Variants in FAM184A observed in about 807,000 individuals in gnomAD.
The protein encoded by FAM184A is family with sequence similarity 184 member A, also known as protein FAM184A.
In FAM184A, 99 loss-of-function variants were observed where a neutral mutation model predicts 143.8. That is an observed-to-expected ratio of 0.69 (90% confidence interval 0.58 to 0.81). The LOEUF (loss-of-function observed/expected upper bound fraction) is 0.81. Ranked by LOEUF, FAM184A falls within the 40% of genes least tolerant of loss-of-function variation. The pLI, the probability that FAM184A is intolerant of heterozygous loss-of-function variation, is 0.00. For synonymous variants in FAM184A, 427 were observed against 446.4 expected (o/e 0.96, Z 0.55); for missense variants, 1,217 against 1,310.5 (o/e 0.93, Z 1.10).
At chr6:119,087,976 G>A (rs1577356) in intron 1 of FAM184A, among the ~76,000 whole-genome samples, 60,593 of 152,058 alleles carry the variant, frequency 0.4, 13,697 homozygotes, top group East Asian at 0.67. Flanking sequence ...AGTGAAATAA[G>A]CCAGTTACAA....
Position 118,966,870 on chromosome 6 carries a change from G to T in FAM184A, c.2998C>A (p.Leu1000Ile). Residue 1000 changes from leucine to isoleucine, a missense_variant, in exon 15 of 18, where the codon CTT (leucine) becomes ATT (isoleucine). Leu to Ile is a conservative substitution (Grantham distance 5). Transcript: ENST00000338891. ...TTTATGATCTGGTCTCTTTCTGTAA[G>T]CATGGCTTTTAATTCTGTAATCATC... ...IQMITELKAM[L>I]TERDQIIKKL... 1.3e-6 allele frequency: 2 copies of T among 1,594,304 alleles called. No homozygotes were observed. Among genetic ancestry groups the T allele is most frequent in the East Asian group, 2.2e-5 (1 of 44,490 alleles).
At position 119,024,383 on chromosome 6, in the gene FAM184A, TC is replaced by T; in HGVS notation, c.589del (p.Glu197ArgfsTer6). ...LEDLQAAHRR[E>X]IQELLKSQQD... is the part of the protein sequence containing the mutation. ...CTGTGACTTCAATAGCTCTTGTATC[TC>T]CCGTCTGTGAGCAGCTTGCAAGTCT... is the stretch of plus-strand genomic sequence containing the variant. On this transcript the variant is annotated frameshift_variant, in exon 2 of 18. Transcript: ENST00000338891. LOFTEE classifies it high-confidence loss of function. The T allele has an allele frequency of 1.2e-6, 2 of 1,614,174 alleles. No individual in the cohort carries two copies. Among genetic ancestry groups the T allele is most frequent in the Non-Finnish European group, 1.7e-6 (2 of 1,180,032 alleles).
rs984213013 is a variant in FAM184A, at chr6:118,978,076, G to T, written c.2455+1289C>A. On this transcript the variant is annotated intron_variant, in intron 11 of 17. Transcript: ENST00000338891. ...CCTTCCAGATTCAAGCGATTCTCCC[G>T]CCTCAGCCTCCCAAGTAGCTAGGAT... Among the ~76,000 whole-genome samples the T allele has an allele frequency of 2.6e-5, 4 of 152,136 alleles. No individual in the cohort carries two copies. The South Asian group carries it at 8.3e-4, about 32-fold the overall frequency.
At chr6:119,081,785 C>T (rs9885891), upstream of FAM184A, among the ~76,000 whole-genome samples, 5,015 of 152,272 alleles carry the variant, frequency 0.033, 109 homozygotes, top group African/African-American at 0.061. Flanking sequence ...TTCTGCCAGT[C>T]GACGGCCTGC....
chr6:118,961,192 A>AT (rs1358993000), intron 17 of FAM184A, among the ~76,000 whole-genome samples: 1 of 152,028 alleles, frequency 6.6e-6, no homozygotes, highest in Non-Finnish European at 1.5e-5. Flanking sequence ...TTGCTAATAC[A>AT]TTTAATCAAC....
At chr6:119,129,817 G>A (rs890353804) in intron 1 of FAM184A, among the ~76,000 whole-genome samples, 20 of 152,086 alleles carry the variant, frequency 1.3e-4, no homozygotes, top group African/African-American at 4.6e-4. Context: ...TGAACAGAAG[G>A]GGAGTTTAGA....
In FAM184A at chr6:118,984,301, C is replaced by T. The variant is rs1456544402; in HGVS notation, c.2089-3951G>A. 2.7e-5 allele frequency among the ~76,000 whole-genome samples: 4 copies of T among 150,270 alleles called. No individual in the cohort carries two copies. The East Asian group carries it at 7.8e-4, about 29-fold the overall frequency. ...CACCTGGGCTCAAGTGATTCTCCCA[C>T]CTCAGCCTCCTAAGTAGCTGGGACC... On this transcript the variant is annotated intron_variant, in intron 9 of 17. Transcript: ENST00000338891.
chr6:119,055,946 C>G lies in FAM184A; in HGVS notation c.159+22195G>C, dbSNP rs570620924. On this transcript the variant is annotated intron_variant, in intron 1 of 17. Transcript: ENST00000338891. ...ATATCTCTGCTCCCCATCTTGATAA[C>G]AGATATGATAAACACATGCAGAAGA... Among the ~76,000 whole-genome samples, 11 of 152,182 alleles carry G rather than the reference C, an allele frequency of 7.2e-5. No homozygotes were observed. The East Asian group carries it at 2.1e-3, about 29-fold the overall frequency.
At chr6:119,137,467 T>C (rs1026620058) in intron 1 of FAM184A, among the ~76,000 whole-genome samples, 3 of 152,190 alleles carry the variant, frequency 2.0e-5, no homozygotes, top group African/African-American at 7.2e-5. Context: ...ACAGTCACAA[T>C]TGGACCTCAT....
At chr6:119,061,747 T>C (rs528794179) in intron 1 of FAM184A, among the ~76,000 whole-genome samples, 1 of 151,910 alleles carries the variant, frequency 6.6e-6, no homozygotes, top group East Asian at 1.9e-4. Context: ...TACAAAGGAC[T>C]TATAAAAACG....
rs1783484923 is a variant in FAM184A, at chr6:118,965,811, A to G, written c.3033+1024T>C. ...CAAAATACAATTATAACACCTCCTCAGTAAGAACTGGGAATTAATAGCTAT... is the reference window on the plus strand; with the variant it reads ...CAAAATACAATTATAACACCTCCTCGGTAAGAACTGGGAATTAATAGCTAT... On this transcript the variant is annotated intron_variant, in intron 15 of 17. Transcript: ENST00000338891. Among the ~76,000 whole-genome samples the G allele has an allele frequency of 1.3e-5, 2 of 152,196 alleles. 1 individual carries two copies. The highest frequency in any genetic ancestry group is 4.1e-4 in the South Asian group (2 of 4,828).
intron 1 of FAM184A, among the ~76,000 whole-genome samples, chr6:119,033,356 C>T (rs1423751854): frequency 2.0e-5 from 3 of 152,140 alleles, no homozygotes; most frequent in Non-Finnish European, 4.4e-5. Flanking sequence ...ATCTGGATGA[C>T]AGGATCAATC....
intron 1 of FAM184A, among the ~76,000 whole-genome samples, chr6:119,034,974 GGAGGGCTCGCCT>G (rs1308997721): frequency 6.6e-6 from 1 of 152,120 alleles, no homozygotes; most frequent in Non-Finnish European, 1.5e-5. Context: ...AAGCCCTTTA[GGAGGGCTCGCCT>G]GAGTAATAAC....
chr6:118,993,908 A>G (rs1260523579), intron 9 of FAM184A, among the ~76,000 whole-genome samples: 1 of 152,168 alleles, frequency 6.6e-6, no homozygotes, highest in Non-Finnish European at 1.5e-5. Flanking sequence ...CTCTTTGGAT[A>G]AAGTCCCAAA....
At chr6:119,015,436 C>T (rs903143217) in intron 5 of FAM184A, among the ~76,000 whole-genome samples, 20 of 152,266 alleles carry the variant, frequency 1.3e-4, no homozygotes, top group African/African-American at 2.6e-4. Flanking sequence ...GCCGGCCCTG[C>T]GGGCCCCGGG....
chr6:119,061,838 G>T (rs1247012091), intron 1 of FAM184A, among the ~76,000 whole-genome samples: 1 of 151,990 alleles, frequency 6.6e-6, no homozygotes, highest in Non-Finnish European at 1.5e-5. Context: ...ACCCTGATCT[G>T]ATCACTAAAC....
chr6:119,080,564 T>C (rs1788033338), upstream of FAM184A, among the ~76,000 whole-genome samples: 2 of 152,324 alleles, frequency 1.3e-5, no homozygotes, highest in South Asian at 4.1e-4. Flanking sequence ...AAACATAATA[T>C]ACAGGTCGAG....
intron 1 of FAM184A, among the ~76,000 whole-genome samples, chr6:119,134,833 G>A (rs912842195): frequency 6.6e-6 from 1 of 152,128 alleles, no homozygotes; most frequent in Non-Finnish European, 1.5e-5. Flanking sequence ...GGTTCCAGGG[G>A]CATTAAATCA....
In FAM184A at chr6:118,994,330, A is replaced by AAAATAAAT. The variant is rs140437416; in HGVS notation, c.2088+8561_2088+8568dup. Among the ~76,000 whole-genome samples the AAAATAAAT allele has an allele frequency of 3.4e-3, 506 of 150,482 alleles. 2 individuals carry two copies. The highest frequency in any genetic ancestry group is 6.9e-3 in the Middle Eastern group (2 of 288). On this transcript the variant is annotated intron_variant, in intron 9 of 17. Coordinates refer to ENST00000338891, the MANE Select transcript of FAM184A (RefSeq NM_024581.6). ...ACTACTGATTTCAATACCTCGAGTTAAAATAAATAAATAAATAAATAAATA... is the reference window on the plus strand; with the variant it reads ...ACTACTGATTTCAATACCTCGAGTTAAAATAAATAAATAAATAAATAAATAAATAAATA...
Sources: allele counts gnomAD v4.1 joint callset (sites outside exome capture counted in the v4.1 genomes callset), GRCh38; gene constraint gnomAD v4.1.1; transcripts MANE v1.5; gene names NCBI Gene and HGNC (gene_info 2026-07-23, HGNC 2026-07-21).